Variants in SLC44A5 observed in about 807,000 individuals in gnomAD.
SLC44A5 encodes choline transporter-like protein 5.
Under a neutral mutation model 101.8 loss-of-function variants are expected in SLC44A5, and 57 were observed. The observed-to-expected ratio is 0.56, with a 90% CI of 0.45 to 0.70. SLC44A5 has a LOEUF of 0.70. SLC44A5 is among the 30% of genes least tolerant of loss of function. The pLI is 0.00. For synonymous variants in SLC44A5, 281 were observed against 290.9 expected, an observed-to-expected ratio of 0.97 and a Z score of 0.35; for missense variants, 737 against 853.1, an observed-to-expected ratio of 0.86 and a Z score of 1.70.
chr1:75,299,681 A>C (rs932853913), intron 5 of SLC44A5, among the ~76,000 whole-genome samples: 2 of 152,082 alleles, frequency 1.3e-5, no homozygotes, highest in Admixed American at 1.3e-4. Context: ...TCTTACAGAA[A>C]ATATTCACAC....
chr1:75,363,152 T>C (rs1415940716), intron 3 of SLC44A5, among the ~76,000 whole-genome samples: 2 of 152,072 alleles, frequency 1.3e-5, no homozygotes, highest in African/African-American at 4.8e-5. Flanking sequence ...TGCATGGATA[T>C]CTTTTTCTAT....
intron 1 of SLC44A5, among the ~76,000 whole-genome samples, chr1:75,597,818 A>G (rs1674735893): frequency 6.6e-6 from 1 of 152,200 alleles, no homozygotes; most frequent in Non-Finnish European, 1.5e-5. Context: ...TTAAATATAA[A>G]ACCTAAAAGT....
intron 1 of SLC44A5, among the ~76,000 whole-genome samples, chr1:75,550,446 G>C (rs1671876031): frequency 6.6e-6 from 1 of 152,068 alleles, no homozygotes; most frequent in Non-Finnish European, 1.5e-5. Flanking sequence ...GGGTGAGGAA[G>C]ATGTCCTGCA....
chr1:75,316,634 A>G (rs1655712096), intron 4 of SLC44A5, among the ~76,000 whole-genome samples: 2 of 152,244 alleles, frequency 1.3e-5, no homozygotes, highest in South Asian at 2.1e-4. Flanking sequence ...TGTTAGATAA[A>G]TGAATGGACT....
the SLC44A5 span, among the ~76,000 whole-genome samples, chr1:75,673,886 C>T: frequency 2.0e-5 from 3 of 152,068 alleles, no homozygotes; most frequent in Non-Finnish European, 4.4e-5. Flanking sequence ...AGATATGACC[C>T]GAGAGATTTT....
At chr1:75,635,940 G>T in the SLC44A5 span, among the ~76,000 whole-genome samples, 1 of 151,804 alleles carries the variant, frequency 6.6e-6, no homozygotes, top group South Asian at 2.1e-4. Context: ...AAATTTATGG[G>T]GTACAAGTGT....
At chr1:75,231,269 C>T (rs893557107) in intron 12 of SLC44A5, among the ~76,000 whole-genome samples, 64 of 152,162 alleles carry the variant, frequency 4.2e-4, no homozygotes, top group African/African-American at 1.3e-3. Flanking sequence ...CCAGTGCTTC[C>T]TGCTTGGTTC....
Position 75,571,598 on chromosome 1 carries a change from C to A in SLC44A5, c.-69-30082G>T, listed in dbSNP as rs577263546. ...ATTCAATACTTTTTTATAAAATAAG[C>A]TTTGTATTATATGGTGTTGCCCAAC... On this transcript the variant is annotated intron_variant, in intron 1 of 23. Transcript: ENST00000370859. Among the ~76,000 whole-genome samples, 246 of 152,050 alleles carry A rather than the reference C, an allele frequency of 1.6e-3. 1 individual carries two copies. Among genetic ancestry groups the A allele is most frequent in the Admixed American group, 4.5e-3 (68 of 15,274 alleles).
intron 1 of SLC44A5, among the ~76,000 whole-genome samples, chr1:75,594,352 G>A (rs968522674): frequency 6.6e-5 from 10 of 151,850 alleles, no homozygotes; most frequent in Admixed American, 1.3e-4. Flanking sequence ...AATATAGCAC[G>A]ACAGTATTCT....
intron 4 of SLC44A5, chr1:75,311,481 G>A (rs771297789): frequency 2.1e-5 from 17 of 812,600 alleles, no homozygotes; most frequent in Non-Finnish European, 2.4e-5. Flanking sequence ...TTTGTCCAGA[G>A]TGGTCTCAGT....
intron 4 of SLC44A5, among the ~76,000 whole-genome samples, chr1:75,312,282 G>T (rs151239576): frequency 6.6e-6 from 1 of 152,068 alleles, no homozygotes; most frequent in South Asian, 2.1e-4. Context: ...CCCCAGTCTC[G>T]GGTATGTCTT....
chr1:75,430,475 G>C (rs1664554567), intron 2 of SLC44A5, among the ~76,000 whole-genome samples: 1 of 152,196 alleles, frequency 6.6e-6, no homozygotes, highest in South Asian at 2.1e-4. Context: ...AGCATTTGCT[G>C]ATCCTGAAAC....
At chr1:75,428,140 G>C (rs566200464) in intron 2 of SLC44A5, among the ~76,000 whole-genome samples, 1 of 152,182 alleles carries the variant, frequency 6.6e-6, no homozygotes. Flanking sequence ...TGTTACATGA[G>C]CAAGAAATAA....
intron 1 of SLC44A5, among the ~76,000 whole-genome samples, chr1:75,556,806 G>A (rs1180183569): frequency 6.6e-6 from 1 of 152,022 alleles, no homozygotes. Flanking sequence ...CACGCACAGT[G>A]TACTACCTTC....
chr1:75,654,447 C>A, the SLC44A5 span, among the ~76,000 whole-genome samples: 1 of 152,104 alleles, frequency 6.6e-6, no homozygotes, highest in Non-Finnish European at 1.5e-5. Flanking sequence ...CCAAGCACAC[C>A]ATCAAGCACA....
At chr1:75,480,919 G>A (rs983505968) in intron 2 of SLC44A5, among the ~76,000 whole-genome samples, 2 of 151,990 alleles carry the variant, frequency 1.3e-5, no homozygotes, top group Non-Finnish European at 2.9e-5. Flanking sequence ...AGTTCATATG[G>A]AACCAAAAAA....
the SLC44A5 span, among the ~76,000 whole-genome samples, chr1:75,643,114 T>C: frequency 2.6e-5 from 4 of 152,278 alleles, no homozygotes; most frequent in African/African-American, 7.2e-5. Context: ...AAAATTATCA[T>C]TCAACCATCT....
chr1:75,325,814 A>G (rs914946942), intron 4 of SLC44A5, among the ~76,000 whole-genome samples: 2 of 149,816 alleles, frequency 1.3e-5, no homozygotes, highest in Non-Finnish European at 3.0e-5. Flanking sequence ...TGAGACCACA[A>G]GTGTTTCAAA....
chr1:75,641,665 A>G, the SLC44A5 span: 2 of 1,496,562 alleles, frequency 1.3e-6, no homozygotes, highest in South Asian at 2.3e-5. Context: ...CTTCAGCTTG[A>G]AGAATACTAT....
Sources: gnomAD v4.1 joint callset for allele counts (sites outside exome capture counted in the v4.1 genomes callset) on GRCh38, gnomAD v4.1.1 for gene constraint, MANE v1.5 for transcripts, NCBI Gene and HGNC (gene_info 2026-07-23, HGNC 2026-07-21) for gene names.